Variants in THRB observed in about 807,000 individuals in gnomAD.
THRB encodes thyroid hormone receptor beta, also known as nuclear receptor subfamily 1 group A member 2.
In THRB, 12 loss-of-function variants were observed where a neutral mutation model predicts 47.8. The observed-to-expected ratio is 0.25, with a 90% confidence interval of 0.16 to 0.41. The LOEUF (loss-of-function observed/expected upper bound fraction) is 0.41, where lower values mean the gene tolerates loss of function less well. Ranked by LOEUF, THRB falls within the 10% of genes least tolerant of loss-of-function variation. The probability of loss-of-function intolerance (pLI) is 1.00; values close to 1 mark genes in which losing one functional copy is unlikely to be tolerated. For missense variants in THRB, 348 were observed against 589.2 expected, an observed-to-expected ratio of 0.59 and a Z score of 4.24; for synonymous variants, 218 against 212.2, an observed-to-expected ratio of 1.03 and a Z score of -0.24.
At chr3:24,256,140 G>A (rs1264135105) in intron 3 of THRB, among the ~76,000 whole-genome samples, 1 of 152,210 alleles carries the variant, frequency 6.6e-6, no homozygotes, top group African/African-American at 2.4e-5. Flanking sequence ...TTTGTGTCAT[G>A]GAACTAAGGG....
At chr3:24,275,160 G>T (rs1014011205) in intron 3 of THRB, among the ~76,000 whole-genome samples, 3 of 152,128 alleles carry the variant, frequency 2.0e-5, no homozygotes, top group Non-Finnish European at 2.9e-5. Context: ...ACAATATATA[G>T]CAGTCATTTT....
At chr3:24,208,605 TCCC>T (rs1182361985) in intron 4 of THRB, among the ~76,000 whole-genome samples, 1 of 152,200 alleles carries the variant, frequency 6.6e-6, no homozygotes, top group Non-Finnish European at 1.5e-5. Context: ...GGGAAAGGAT[TCCC>T]TATTTAATAA....
chr3:24,383,069 C>A (rs535363586), intron 1 of THRB, among the ~76,000 whole-genome samples: 1 of 152,118 alleles, frequency 6.6e-6, no homozygotes, highest in African/African-American at 2.4e-5. Flanking sequence ...AACTCACGTA[C>A]TCTTTTATGT....
chr3:24,150,169 C>T (rs144694383), intron 6 of THRB, among the ~76,000 whole-genome samples: 1 of 152,316 alleles, frequency 6.6e-6, no homozygotes, highest in African/African-American at 2.4e-5. Flanking sequence ...GACATGACAT[C>T]TCCAAAAGAT....
intron 1 of THRB, among the ~76,000 whole-genome samples, chr3:24,380,019 C>T (rs2065581072): frequency 6.6e-6 from 1 of 150,622 alleles, no homozygotes; most frequent in Non-Finnish European, 1.5e-5. Flanking sequence ...TTGCCTTGGC[C>T]CTGGTCAATG....
chr3:24,233,560 G>GAAGAAAGAAAAGAAAGAAAGA (rs1553658176), intron 3 of THRB, among the ~76,000 whole-genome samples: 1 of 77,302 alleles, frequency 1.3e-5, no homozygotes, highest in African/African-American at 4.7e-5. Context: ...AAAGAAAAAG[G>GAAGAAAGAAAAGAAAGAAAGA]AAGAAAGAAA....
At chr3:24,332,377 A>G (rs889462224) in intron 2 of THRB, among the ~76,000 whole-genome samples, 1 of 152,162 alleles carries the variant, frequency 6.6e-6, no homozygotes, top group Non-Finnish European at 1.5e-5. Context: ...GAAAAAAATA[A>G]ACCTTTGTCT....
At chr3:24,142,799 G>A (rs1575371051) in intron 8 of THRB, among the ~76,000 whole-genome samples, 1 of 152,312 alleles carries the variant, frequency 6.6e-6, no homozygotes, top group Admixed American at 6.5e-5. Flanking sequence ...AAGGCCTTGG[G>A]CTTGGTTTGC....
intron 1 of THRB, among the ~76,000 whole-genome samples, chr3:24,378,948 GT>G (rs1046064462): frequency 1.3e-5 from 2 of 151,926 alleles, no homozygotes; most frequent in African/African-American, 4.8e-5. Context: ...TACTTTTCCA[GT>G]TTTTAAAAAA....
At chr3:24,451,543 C>T (rs2072658262) in intron 1 of THRB, among the ~76,000 whole-genome samples, 5 of 152,052 alleles carry the variant, frequency 3.3e-5, no homozygotes, top group Admixed American at 2.6e-4. Flanking sequence ...CCTACATGTA[C>T]CTTTAGCTTT....
intron 4 of THRB, among the ~76,000 whole-genome samples, chr3:24,190,798 T>G (rs1311067001): frequency 6.6e-6 from 1 of 151,902 alleles, no homozygotes; most frequent in Non-Finnish European, 1.5e-5. Context: ...GGACACCCTG[T>G]TACTTAAGTG....
At chr3:24,179,538 G>C (rs1025791236) in intron 5 of THRB, among the ~76,000 whole-genome samples, 1 of 152,176 alleles carries the variant, frequency 6.6e-6, no homozygotes, top group Non-Finnish European at 1.5e-5. Context: ...TGGTAAACCT[G>C]AGATTAATTT....
intron 3 of THRB, among the ~76,000 whole-genome samples, chr3:24,296,435 T>C (rs2056453607): frequency 6.6e-6 from 1 of 152,244 alleles, no homozygotes; most frequent in Non-Finnish European, 1.5e-5. Flanking sequence ...GGCAATTCTT[T>C]TGCAAACACC....
chr3:24,475,545 A>AGATG (rs922880524), intron 1 of THRB, among the ~76,000 whole-genome samples: 1 of 152,002 alleles, frequency 6.6e-6, no homozygotes, highest in Non-Finnish European at 1.5e-5. Flanking sequence ...ATAGATAGAT[A>AGATG]GATATAGATA....
chr3:24,335,281 C>T (rs953040074), intron 2 of THRB, among the ~76,000 whole-genome samples: 9 of 152,172 alleles, frequency 5.9e-5, no homozygotes, highest in African/African-American at 1.4e-4. Flanking sequence ...ATCTTAGCCA[C>T]GTTACAGGTT....
chr3:24,455,846 G>T (rs1291565522), intron 1 of THRB, among the ~76,000 whole-genome samples: 2 of 152,212 alleles, frequency 1.3e-5, no homozygotes, highest in Non-Finnish European at 2.9e-5. Flanking sequence ...TCCATGCTCA[G>T]TGTTGGTTTA....
intron 1 of THRB, chr3:24,493,964 G>A (rs1376739161): frequency 1.3e-5 from 2 of 152,234 alleles, no homozygotes; most frequent in African/African-American, 4.8e-5. Flanking sequence ...GGCACAATTG[G>A]TATCACAACC....
chr3:24,488,118 G>A (rs1230347574), intron 1 of THRB, among the ~76,000 whole-genome samples: 3 of 152,206 alleles, frequency 2.0e-5, no homozygotes, highest in African/African-American at 7.2e-5. Flanking sequence ...CAGGAGTCAA[G>A]TAAGTATATT....
chr3:24,357,041 A>T (rs1171299843), intron 1 of THRB, among the ~76,000 whole-genome samples: 1 of 151,652 alleles, frequency 6.6e-6, no homozygotes, highest in Non-Finnish European at 1.5e-5. Context: ...ATTCTCGGTG[A>T]CCTATGGCCA....
Sources: allele counts gnomAD v4.1 joint callset (sites outside exome capture counted in the v4.1 genomes callset), GRCh38; gene constraint gnomAD v4.1.1; transcripts MANE v1.5; gene names NCBI Gene and HGNC (gene_info 2026-07-23, HGNC 2026-07-21).